FAM171A1: variants seen among roughly 807,000 people sequenced by gnomAD.
FAM171A1 encodes family with sequence similarity 171 member A1.
A neutral mutation model predicts 74.9 loss-of-function variants in FAM171A1; 23 were observed. The ratio of observed to expected loss-of-function variants is 0.31; its 90% CI spans 0.22 to 0.44. FAM171A1 has a LOEUF of 0.44. Ranked by LOEUF, FAM171A1 falls within the 20% of genes least tolerant of loss-of-function variation. The pLI is 1.00. For missense variants in FAM171A1, 1,162 were observed against 1,159.2 expected (o/e 1.00, Z -0.03); for synonymous variants, 527 against 505.7 (o/e 1.04, Z -0.57).
intron 1 of FAM171A1, among the ~76,000 whole-genome samples, chr10:15,313,035 G>A: frequency 6.6e-6 from 1 of 152,206 alleles, no homozygotes; most frequent in African/African-American, 2.4e-5. Context: ...AGATGTTCTT[G>A]ATGAAGCAAG....
At chr10:15,341,921 G>A (rs561875038) in intron 1 of FAM171A1, among the ~76,000 whole-genome samples, 2 of 152,284 alleles carry the variant, frequency 1.3e-5, no homozygotes, top group South Asian at 2.1e-4. Context: ...GGGCTACGAC[G>A]GCAGTCTGCC....
At chr10:15,286,474 G>A (rs1447550174) in intron 1 of FAM171A1, among the ~76,000 whole-genome samples, 2 of 152,038 alleles carry the variant, frequency 1.3e-5, no homozygotes, top group Non-Finnish European at 2.9e-5. Context: ...TAGAGACAGG[G>A]TTTCACCATG....
At chr10:15,293,427 T>A (rs1482061474) in intron 1 of FAM171A1, among the ~76,000 whole-genome samples, 2 of 151,806 alleles carry the variant, frequency 1.3e-5, no homozygotes, top group Non-Finnish European at 2.9e-5. Context: ...TGCAGGGAGA[T>A]TAAAAAAGAA....
At chr10:15,267,601 CAAAAAAAAAAAAAAAAAAAAA>C (rs71390026) in intron 3 of FAM171A1, among the ~76,000 whole-genome samples, 8 of 53,346 alleles carry the variant, frequency 1.5e-4, no homozygotes, top group Admixed American at 3.4e-4. Context: ...GACACCATCG[CAAAAAAAAAAAAAAAAAAAAA>C]AAAAAAAAAG....
At chr10:15,269,658 GGA>G (rs1405849827) in intron 3 of FAM171A1, among the ~76,000 whole-genome samples, 9 of 152,152 alleles carry the variant, frequency 5.9e-5, no homozygotes. Flanking sequence ...TTAGTCTTTA[GGA>G]GTGACCCTGT....
chr10:15,310,247 T>G (rs10752364), intron 1 of FAM171A1, among the ~76,000 whole-genome samples: 1 of 152,046 alleles, frequency 6.6e-6, no homozygotes. Context: ...CTAAACAGCA[T>G]CTTTTTTATG....
At chr10:15,224,493 G>T (rs1181224691) in intron 5 of FAM171A1, among the ~76,000 whole-genome samples, 1 of 152,036 alleles carries the variant, frequency 6.6e-6, no homozygotes, top group Non-Finnish European at 1.5e-5. Flanking sequence ...ATAGGGTTTG[G>T]CTATGTCCCC....
chr10:15,278,501 G>C (rs879828049), intron 2 of FAM171A1, among the ~76,000 whole-genome samples: 1 of 152,160 alleles, frequency 6.6e-6, no homozygotes, highest in Non-Finnish European at 1.5e-5. Flanking sequence ...GACAACACAC[G>C]TAAATGTCTA....
chr10:15,309,670 C>T (rs1445909018), intron 1 of FAM171A1, among the ~76,000 whole-genome samples: 1 of 152,252 alleles, frequency 6.6e-6, no homozygotes, highest in African/African-American at 2.4e-5. Flanking sequence ...AGCATGTGAA[C>T]TTGAATCTAC....
In FAM171A1 at chr10:15,216,076, G is replaced by A. The variant is rs778889217; in HGVS notation, c.906C>T (p.His302=). ...PVVTQDITTY[H]TVFLLAILGG... is the part of the protein sequence containing the mutation. Reference sequence around the variant, plus strand: ...CTAAAATGGCCAAAAGAAACACCGTGTGATACGTGGTAATGTCCTGTGTTA... The same window carrying A: ...CTAAAATGGCCAAAAGAAACACCGTATGATACGTGGTAATGTCCTGTGTTA... The change falls in exon 7 of 8, where the codon CAC becomes CAT. Residue 302 remains histidine, a synonymous_variant. Transcript: ENST00000378116. 6 of 1,609,414 alleles carry A rather than the reference G, an allele frequency of 3.7e-6. No homozygotes were observed. The highest frequency in any genetic ancestry group is 1.7e-5 in the Admixed American group (1 of 58,436).
chr10:15,259,520 A>G (rs990048713), intron 3 of FAM171A1, among the ~76,000 whole-genome samples: 2 of 152,214 alleles, frequency 1.3e-5, no homozygotes, highest in Non-Finnish European at 2.9e-5. Context: ...TCTAAATGAG[A>G]GGCATAGATC....
rs998156204 is a variant in FAM171A1, at chr10:15,212,145, A to C, written c.*770T>G. The stretch of plus-strand genomic sequence containing the variant: ...AACCAACAACAACAAAAAGCGAGGG[A>C]CTGTCTGTTGTCACTGTCAAAAAGG... On this transcript the variant is annotated 3_prime_UTR_variant, in exon 8 of 8. Coordinates refer to ENST00000378116, the MANE Select transcript of FAM171A1 (RefSeq NM_001010924.2). The C allele has an allele frequency of 6.5e-6, 1 of 152,678 alleles. No homozygotes were observed. Among genetic ancestry groups the C allele is most frequent in the African/African-American group, 2.4e-5 (1 of 41,466 alleles). The allele number at this position is 152,678 out of a possible 1,614,324, so 9.5% of individuals were successfully genotyped here.
intron 5 of FAM171A1, chr10:15,240,683 C>T: frequency 2.0e-6 from 2 of 982,058 alleles, no homozygotes; most frequent in Non-Finnish European, 2.4e-6. Flanking sequence ...AATTTCCTGG[C>T]AGTCAAGGAT....
intron 1 of FAM171A1, among the ~76,000 whole-genome samples, chr10:15,329,219 CTG>C (rs922392144): frequency 5.3e-5 from 8 of 152,202 alleles, no homozygotes; most frequent in African/African-American, 1.9e-4. Context: ...GAACTACAAA[CTG>C]AGAGCTTATA....
chr10:15,218,997 T>C (rs11259554), intron 6 of FAM171A1, among the ~76,000 whole-genome samples: 33,949 of 152,094 alleles, frequency 0.22, 4,044 homozygotes, highest in African/African-American at 0.31. Context: ...CAAAAGCATA[T>C]ACTGGACAGG....
At chr10:15,248,099 T>C (rs1732458818) in intron 5 of FAM171A1, among the ~76,000 whole-genome samples, 2 of 152,200 alleles carry the variant, frequency 1.3e-5, no homozygotes, top group African/African-American at 4.8e-5. Context: ...TTTAAGCAGC[T>C]AACTTTTAGG....
chr10:15,269,754 G>A (rs1053233680), intron 3 of FAM171A1, among the ~76,000 whole-genome samples: 3 of 152,212 alleles, frequency 2.0e-5, no homozygotes, highest in Non-Finnish European at 4.4e-5. Context: ...GGAAAGGGAT[G>A]GTGGCACACA....
chr10:15,240,732 A>T, intron 5 of FAM171A1: 1 of 985,236 alleles, frequency 1.0e-6, no homozygotes, highest in Non-Finnish European at 1.2e-6. Context: ...GGATATACTG[A>T]GTTAGTGTTA....
intron 5 of FAM171A1, among the ~76,000 whole-genome samples, chr10:15,239,428 C>G (rs1464732405): frequency 6.6e-6 from 1 of 152,030 alleles, no homozygotes; most frequent in African/African-American, 2.4e-5. Context: ...TCCCAAGAAG[C>G]TGGGATTAGA....
Sources: allele counts gnomAD v4.1 joint callset (sites outside exome capture counted in the v4.1 genomes callset), GRCh38; gene constraint gnomAD v4.1.1; transcripts MANE v1.5; gene names NCBI Gene and HGNC (gene_info 2026-07-23, HGNC 2026-07-21).